HOXB3: variants seen among roughly 807,000 people sequenced by gnomAD.
HOXB3 encodes homeobox B3.
A neutral mutation model predicts 29.2 loss-of-function variants in HOXB3; 17 were observed. The observed-to-expected ratio is 0.58, with a 90% CI of 0.40 to 0.87. The LOEUF (loss-of-function observed/expected upper bound fraction) is 0.87, where lower values mean the gene tolerates loss of function less well. Ranked by LOEUF, HOXB3 falls within the 40% of genes least tolerant of loss-of-function variation. HOXB3 has a pLI of 0.00. For synonymous variants in HOXB3, 317 were observed against 285.9 expected, an observed-to-expected ratio of 1.11 and a Z score of -1.10; for missense variants, 637 against 616.3, an observed-to-expected ratio of 1.03 and a Z score of -0.35.
At chr17:48,568,610 C>T (rs1009779963) in intron 2 of HOXB3, among the ~76,000 whole-genome samples, 4 of 151,322 alleles carry the variant, frequency 2.6e-5, no homozygotes, top group Non-Finnish European at 5.9e-5. Context: ...CAACACAACT[C>T]GCTCACAAAC....
rs1310759467 is a variant in HOXB3 at position 48,584,493 on chromosome 17, C to A, written c.-425+5632G>T. Among the ~76,000 whole-genome samples, 3 of 152,192 alleles carry A rather than the reference C, an allele frequency of 2.0e-5. No homozygotes were observed. The East Asian group carries it at 5.8e-4, about 29-fold the overall frequency. On this transcript the variant is annotated intron_variant, in intron 1 of 4. Coordinates refer to ENST00000498678, the MANE Select transcript of HOXB3 (RefSeq NM_001384749.1). ...ATTGAAAGAGCCAGTAGTTTGACCC[C>A]TTTAGGGCAAGCAGAGTGAGTTGAT... is the stretch of plus-strand genomic sequence containing the variant.
At chr17:48,564,415 C>A (rs1171583476) in intron 2 of HOXB3, among the ~76,000 whole-genome samples, 1 of 152,116 alleles carries the variant, frequency 6.6e-6, no homozygotes, top group East Asian at 1.9e-4. Flanking sequence ...CCCGGATGCG[C>A]TCGCCCCCAC....
rs1372678778 is a variant in HOXB3 at position 48,554,529 on chromosome 17, C to T, written c.-159+1002G>A. 3.0e-6 allele frequency: 2 copies of T among 675,616 alleles called. No homozygotes were observed. The highest frequency in any genetic ancestry group is 5.4e-6 in the Non-Finnish European group (2 of 372,042). The allele number at this position is 675,616 out of a possible 1,614,324, so 41.9% of individuals were successfully genotyped here. On this transcript the variant is annotated intron_variant, in intron 3 of 4. Transcript: ENST00000498678. This position sits in a 1 kb window ranked among gnomAD's most constrained non-coding sequence, Gnocchi z 4.1. Reference sequence around the variant, plus strand: ...GACTCCGCCGGTGGTGCAGACAGGGCTGGGAAGGTTTGTGCACCCGGGTAG... The same window carrying T: ...GACTCCGCCGGTGGTGCAGACAGGGTTGGGAAGGTTTGTGCACCCGGGTAG...
At position 48,550,319 on chromosome 17, in the gene HOXB3, G is replaced by C. The variant is rs765540492; in HGVS notation, c.*15C>G. On this transcript the variant is annotated 3_prime_UTR_variant, in exon 5 of 5. Coordinates refer to ENST00000498678, the MANE Select transcript of HOXB3 (RefSeq NM_001384749.1). ...TCTTCCTCCCCATCCCCTAATCCTC[G>C]TTCGCCCTTTCCCATCACAGGTGTG... 9 of 1,613,438 alleles carry C rather than the reference G, an allele frequency of 5.6e-6. No individual in the cohort carries two copies. The highest frequency in any genetic ancestry group is 7.6e-6 in the Non-Finnish European group (9 of 1,179,948).
chr17:48,554,596 TGCCGCGGCGACTGGCG>T lies in HOXB3; in HGVS notation c.-159+919_-159+934del, dbSNP rs1194443867. The stretch of plus-strand genomic sequence containing the variant: ...CCAGGCTGCCTCAGCCGGTCGCTGC[TGCCGCGGCGACTGGCG>T]ACAAGCTACCAGCCACCTACGATGG... On this transcript the variant is annotated intron_variant, in intron 3 of 4. Coordinates refer to ENST00000498678, the MANE Select transcript of HOXB3 (RefSeq NM_001384749.1). The surrounding 1 kb of genome is among the most constrained non-coding windows in gnomAD (Gnocchi z 4.1). The T allele has an allele frequency of 4.3e-6, 3 of 700,262 alleles. No individual in the cohort carries two copies. 43.4% of individuals were successfully genotyped at this position (700,262 alleles called of 1,614,324 possible).
At chr17:48,551,715 TA>T (rs1567944960) in intron 4 of HOXB3, among the ~76,000 whole-genome samples, 2 of 152,236 alleles carry the variant, frequency 1.3e-5, no homozygotes, top group Non-Finnish European at 2.9e-5. Context: ...TACTTAATAA[TA>T]ATCAATCGTT....
chr17:48,589,621 C>A (rs2070110078), intron 1 of HOXB3, among the ~76,000 whole-genome samples: 1 of 152,060 alleles, frequency 6.6e-6, no homozygotes, highest in African/African-American at 2.4e-5. Context: ...CACCCCAGGG[C>A]AAGGTAGCCC....
At chr17:48,568,439 G>A (rs1433754640) in intron 2 of HOXB3, among the ~76,000 whole-genome samples, 1 of 152,224 alleles carries the variant, frequency 6.6e-6, no homozygotes, top group African/African-American at 2.4e-5. Context: ...ATTAACTGCT[G>A]ATATATTACT....
At chr17:48,584,167 A>G (rs1268551417) in intron 1 of HOXB3, among the ~76,000 whole-genome samples, 1 of 152,106 alleles carries the variant, frequency 6.6e-6, no homozygotes, top group East Asian at 1.9e-4. Context: ...GTCTGTTTCA[A>G]CTCCCGTAAA....
At chr17:48,555,466 C>T (rs2068947335) in intron 3 of HOXB3, 65 bp downstream of exon 3, 1 of 701,022 alleles carries the variant, frequency 1.4e-6, no homozygotes, top group Non-Finnish European at 2.6e-6. Flanking sequence ...GTCATATGGG[C>T]CATAAATCAT....
At chr17:48,577,990 G>T in intron 1 of HOXB3, 1 of 1,300,348 alleles carries the variant, frequency 7.7e-7, no homozygotes. Flanking sequence ...TGACCGCCTC[G>T]CAGCGCTGGC....
intron 4 of HOXB3, among the ~76,000 whole-genome samples, chr17:48,551,433 T>G: frequency 6.6e-6 from 1 of 152,172 alleles, no homozygotes; most frequent in East Asian, 1.9e-4. Context: ...TATGAAAATT[T>G]GATCATGTCA....
rs1180910453 is a variant in HOXB3 at position 48,554,799 on chromosome 17, G to C, written c.-159+732C>G. ...AAGGCGCCTTAGAAACTCCGCTTCG[G>C]GACTTTGCTCAGCAGGGCTCCGGGT... is the stretch of plus-strand genomic sequence containing the variant. On this transcript the variant is annotated intron_variant, in intron 3 of 4. Transcript: ENST00000498678. The surrounding 1 kb of genome is among the most constrained non-coding windows in gnomAD (Gnocchi z 4.1). The C allele has an allele frequency of 1.4e-6, 1 of 702,382 alleles. No homozygotes were observed. Among genetic ancestry groups the C allele is most frequent in the South Asian group, 1.5e-5 (1 of 67,598 alleles). The allele number at this position is 702,382 out of a possible 1,614,324, so 43.5% of individuals were successfully genotyped here.
intron 2 of HOXB3, among the ~76,000 whole-genome samples, chr17:48,568,643 A>ACG: frequency 6.6e-6 from 1 of 151,240 alleles, no homozygotes; most frequent in Non-Finnish European, 1.5e-5. Flanking sequence ...GCACGCACAC[A>ACG]CACGCGCGGA....
chr17:48,551,729 C>T (rs1434351650), intron 4 of HOXB3, among the ~76,000 whole-genome samples: 1 of 152,238 alleles, frequency 6.6e-6, no homozygotes, highest in Non-Finnish European at 1.5e-5. Context: ...CAATCGTTGA[C>T]GACTCTGCAT....
chr17:48,558,589 G>C (rs552201344), intron 2 of HOXB3, among the ~76,000 whole-genome samples: 1 of 152,220 alleles, frequency 6.6e-6, no homozygotes, highest in African/African-American at 2.4e-5. Context: ...GCTGCCCTCT[G>C]ATTAGGGCTG....
chr17:48,556,527 A>C (rs942609742), intron 2 of HOXB3: 3 of 149,626 alleles, frequency 2.0e-5, no homozygotes, highest in Non-Finnish European at 4.4e-5. Flanking sequence ...TCTCTAACCA[A>C]GGGAGAGGGA....
intron 2 of HOXB3, among the ~76,000 whole-genome samples, chr17:48,567,569 A>C (rs889011095): frequency 6.6e-6 from 1 of 152,136 alleles, no homozygotes; most frequent in South Asian, 2.1e-4. Flanking sequence ...AGTAGGAAGG[A>C]ACTGTGACCT....
At chr17:48,578,527 C>G in intron 1 of HOXB3, 1 of 569,038 alleles carries the variant, frequency 1.8e-6, no homozygotes, top group Non-Finnish European at 3.0e-6. Flanking sequence ...AGGTTTATTT[C>G]CCCTTCTTCC....
Sources: allele counts gnomAD v4.1 joint callset (sites outside exome capture counted in the v4.1 genomes callset), GRCh38; gene constraint gnomAD v4.1.1; non-coding constraint Gnocchi (gnomAD v3.1); transcripts MANE v1.5; gene names NCBI Gene and HGNC (gene_info 2026-07-23, HGNC 2026-07-21).